The following WNK1 variants were observed in gnomAD, a reference collection of about 807,000 sequenced individuals.
The protein encoded by WNK1 is WNK lysine deficient protein kinase 1.
WNK1 carries 38 observed loss-of-function variants against 222.8 expected under a neutral mutation model. That is an observed-to-expected ratio of 0.17 (90% CI 0.13 to 0.22). WNK1 has a LOEUF of 0.22. Ranked by LOEUF, WNK1 falls within the 10% of genes least tolerant of loss-of-function variation. The pLI is 1.00. For missense variants in WNK1, 2,348 were observed against 2,918.4 expected (o/e 0.80, Z 4.50); for synonymous variants, 1,090 against 1,092.9 (o/e 1.00, Z 0.05).
intron 1 of WNK1, among the ~76,000 whole-genome samples, chr12:792,609 C>T (rs186233539): frequency 1.6e-4 from 24 of 152,040 alleles, no homozygotes; most frequent in African/African-American, 2.7e-4. Context: ...TCACCACGCC[C>T]GGCTGATACT....
At chr12:755,601 T>A (rs1939887171) in intron 1 of WNK1, among the ~76,000 whole-genome samples, 1 of 152,060 alleles carries the variant, frequency 6.6e-6, no homozygotes, top group African/African-American at 2.4e-5. Context: ...TATAGTATTT[T>A]AGAATTGAAA....
chr12:847,933 G>A (rs1055053683), intron 4 of WNK1, among the ~76,000 whole-genome samples: 2 of 147,090 alleles, frequency 1.4e-5, no homozygotes, highest in African/African-American at 2.5e-5. Context: ...TCAGCCTCCC[G>A]AGTAGCTGGG....
intron 4 of WNK1, among the ~76,000 whole-genome samples, chr12:836,050 C>A (rs990724688): frequency 1.3e-5 from 2 of 152,064 alleles, no homozygotes; most frequent in African/African-American, 4.8e-5. Flanking sequence ...TTTATTGTTA[C>A]AGCACAGCAA....
Position 879,938 on chromosome 12 carries a change from G to C in WNK1, c.2739G>C (p.Gln913His), listed in dbSNP as rs750580956. 1.2e-6 allele frequency: 2 copies of C among 1,614,088 alleles called. No homozygotes were observed. Among genetic ancestry groups the C allele is most frequent in the South Asian group, 1.1e-5 (1 of 91,068 alleles). Residue 913 changes from glutamine (Q) to histidine (H), a missense_variant, in exon 11 of 28, where the codon CAG (glutamine) becomes CAC (histidine). Physicochemically the swap from Gln to His is conservative, Grantham distance 24. This residue lies in a region of WNK1 where 547 missense variants were observed against 558.3 expected (regional missense o/e 0.98). Transcript: ENST00000315939. ...VTQLPSQVHP[Q>H]LLQPAVQSMG... ...AGCTGCCAAGTCAGGTTCACCCACA[G>C]CTCCTACAACCAGCAGTTCAGTCCA...
intron 8 of WNK1, 124 bp from the exon 9 acceptor site, chr12:871,141 C>A: frequency 1.1e-6 from 1 of 894,044 alleles, no homozygotes; most frequent in Non-Finnish European, 1.8e-6. Context: ...CATACATAAT[C>A]AGGTTAATGT....
Position 826,265 on chromosome 12 carries a change from T to A in WNK1, c.933-777T>A. ...GCAACTGAGAAATGAAATTTTTTAT[T>A]TTAGTTAATCTACATTTGAGTAGTC... On this transcript the variant is annotated intron_variant, in intron 2 of 27. Coordinates refer to ENST00000315939, the MANE Select transcript of WNK1 (RefSeq NM_018979.4). Among the ~76,000 whole-genome samples the A allele has an allele frequency of 1.3e-5, 2 of 152,204 alleles. 1 individual carries two copies. The highest frequency in any genetic ancestry group is 3.8e-4 in the East Asian group (2 of 5,200).
chr12:839,187 A>C (rs901138470), intron 4 of WNK1, among the ~76,000 whole-genome samples: 3 of 152,184 alleles, frequency 2.0e-5, no homozygotes, highest in Admixed American at 6.5e-5. Flanking sequence ...TTATATATGA[A>C]GATGCATGAT....
intron 6 of WNK1, 148 bp from the exon 7 acceptor site, chr12:860,865 C>G: frequency 1.3e-6 from 1 of 759,076 alleles, no homozygotes; most frequent in Non-Finnish European, 2.2e-6. Flanking sequence ...TTTTACAGTT[C>G]GGTTAAGGCC....
At chr12:808,244 A>G (rs955432777) in intron 1 of WNK1, among the ~76,000 whole-genome samples, 4 of 152,102 alleles carry the variant, frequency 2.6e-5, no homozygotes, top group Non-Finnish European at 5.9e-5. Context: ...AAGTTTTGCT[A>G]TGCAATAGAT....
intron 1 of WNK1, among the ~76,000 whole-genome samples, chr12:812,511 T>C (rs1264450924): frequency 6.6e-6 from 1 of 152,150 alleles, no homozygotes; most frequent in East Asian, 1.9e-4. Context: ...TGTGATTAAG[T>C]GTTATGTAAG....
chr12:831,239 A>G (rs976650973), intron 4 of WNK1, among the ~76,000 whole-genome samples: 1 of 152,136 alleles, frequency 6.6e-6, no homozygotes. Context: ...GAAGCATATA[A>G]AAGAATTCAT....
intron 4 of WNK1, among the ~76,000 whole-genome samples, chr12:853,754 G>A (rs2154057559): frequency 6.6e-6 from 1 of 152,250 alleles, no homozygotes; most frequent in South Asian, 2.1e-4. Context: ...TATGGAAGAA[G>A]GAACTTTTTT....
At chr12:894,218 A>G (rs1352532522) in intron 22 of WNK1, among the ~76,000 whole-genome samples, 1 of 152,226 alleles carries the variant, frequency 6.6e-6, no homozygotes, top group Admixed American at 6.5e-5. Flanking sequence ...ACTCCATCTC[A>G]ATAAAATAAA....
intron 4 of WNK1, among the ~76,000 whole-genome samples, chr12:848,593 T>G (rs1950199728): frequency 6.6e-6 from 1 of 151,142 alleles, no homozygotes; most frequent in African/African-American, 2.4e-5. Context: ...TGTTTTTAAC[T>G]TTATCTTTGT....
rs1484247577 is a variant in WNK1 at position 764,770 on chromosome 12, A to G, written c.759+10446A>G. Among the ~76,000 whole-genome samples the G allele has an allele frequency of 3.4e-5, 5 of 147,428 alleles. No individual in the cohort carries two copies. The East Asian group carries it at 9.8e-4, about 29-fold the overall frequency. ...CTCAGTAAGGGGGAGGTTGAATAAG[A>G]GAGAAGCACATAAATACATGTAAGT... On this transcript the variant is annotated intron_variant, in intron 1 of 27. Transcript: ENST00000315939.
Position 859,481 on chromosome 12 carries a change from C to T in WNK1, c.1620+17C>T. 6.3e-7 allele frequency: 1 copy of T among 1,587,628 alleles called. No individual in the cohort carries two copies. ...CAAGAAATGGTAAATTGACATTAGCCATTTTAAAATTGATTTAGACTTATA... is the reference window on the plus strand; with the variant it reads ...CAAGAAATGGTAAATTGACATTAGCTATTTTAAAATTGATTTAGACTTATA... On this transcript the variant is annotated intron_variant, in intron 6 of 27. Transcript: ENST00000315939.
Position 849,402 on chromosome 12 carries a change from T to C in WNK1, c.1312-7759T>C, listed in dbSNP as rs898486724. Among the ~76,000 whole-genome samples the C allele has an allele frequency of 1.3e-5, 2 of 152,184 alleles. 1 individual carries two copies. The highest frequency in any genetic ancestry group is 4.1e-4 in the South Asian group (2 of 4,826). On this transcript the variant is annotated intron_variant, in intron 4 of 27. Transcript: ENST00000315939. ...TGAGCAATGCTGTTTCTACAATCTT[T>C]GTTAATGCCCTGAAGAAAAACTTTC...
rs368508905 is a variant in WNK1, at chr12:861,080, C to T, written c.1688C>T (p.Ser563Leu). 3.1e-6 allele frequency: 5 copies of T among 1,613,338 alleles called. No homozygotes were observed. The highest frequency in any genetic ancestry group is 4.2e-6 in the Non-Finnish European group (5 of 1,179,898). Reference sequence around the variant, plus strand: ...GCTAAAGCTATCAAAGACAGAGTATCATTAATTAAGAGGAAACGAGAGCAG... The same window carrying T: ...GCTAAAGCTATCAAAGACAGAGTATTATTAATTAAGAGGAAACGAGAGCAG... The part of the protein sequence containing the change: ...TMAKAIKDRV[S>L]LIKRKREQRQ... The change falls in exon 7 of 28, where the codon TCA (serine) becomes TTA (leucine). Residue 563 changes from serine to leucine, a missense_variant. By Grantham distance (145) the Ser-to-Leu change is moderately radical. Transcript: ENST00000315939.
intron 8 of WNK1, chr12:865,154 G>A: frequency 6.5e-7 from 1 of 1,533,166 alleles, no homozygotes; most frequent in Non-Finnish European, 8.7e-7. Context: ...CCATCTTTCT[G>A]CTGTTGCCTC....
Sources: gnomAD v4.1 joint callset for allele counts (sites outside exome capture counted in the v4.1 genomes callset) on GRCh38, gnomAD v4.1.1 for gene constraint, gnomAD v4.1.1 regional missense constraint, MANE v1.5 for transcripts, NCBI Gene and HGNC (gene_info 2026-07-23, HGNC 2026-07-21) for gene names.